Variants in ANKRD31 observed in about 807,000 individuals in gnomAD.
ANKRD31 encodes ankyrin repeat domain 31, also known as ankyrin repeat domain-containing protein 31.
Under a neutral mutation model 186.0 loss-of-function variants are expected in ANKRD31, and 147 were observed. That is an observed-to-expected ratio of 0.79 (90% confidence interval 0.69 to 0.91). The LOEUF is 0.91. Ranked by LOEUF, ANKRD31 falls within the 40% of genes least tolerant of loss-of-function variation. The pLI, the probability that ANKRD31 is intolerant of heterozygous loss-of-function variation, is 0.00. For missense variants in ANKRD31, 1,986 were observed against 2,148.8 expected, an observed-to-expected ratio of 0.92 and a Z score of 1.50; for synonymous variants, 673 against 736.4, an observed-to-expected ratio of 0.91 and a Z score of 1.39.
At chr5:75,210,345 G>T (rs1411061039) in intron 4 of ANKRD31, among the ~76,000 whole-genome samples, 1 of 152,074 alleles carries the variant, frequency 6.6e-6, no homozygotes, top group Non-Finnish European at 1.5e-5. Context: ...GGCTAATTTT[G>T]TATTTTTTAT....
chr5:75,084,451 A>G, intron 23 of ANKRD31, 77 bp from the exon 24 acceptor site: 2 of 1,128,810 alleles, frequency 1.8e-6, no homozygotes, highest in Non-Finnish European at 2.6e-6. Flanking sequence ...TGAACATTGT[A>G]ATTTTTATAA....
intron 2 of ANKRD31, 95 bp downstream of exon 2, chr5:75,230,467 C>T (rs538699378): frequency 1.2e-5 from 11 of 914,540 alleles, no homozygotes; most frequent in African/African-American, 6.9e-5. Flanking sequence ...ATTCATTTTG[C>T]TTAAAGTCTC....
chr5:75,104,551 A>G lies in ANKRD31; in HGVS notation c.5008T>C (p.Tyr1670His). The change falls in exon 22 of 26, where the codon TAT becomes CAT. Residue 1670 changes from tyrosine to histidine, a missense_variant. Transcript: ENST00000506364. ...NIICDQDLSN[Y>H]DPKRGNRKTS... ...TTTCTGTTTCCTCTTTTGGGATCAT[A>G]ATTGGAAAGGTCCTGATCACAAATA... 1 of 1,536,798 alleles carries G rather than the reference A, an allele frequency of 6.5e-7. No homozygotes were observed. The highest frequency in any genetic ancestry group is 8.7e-7 in the Non-Finnish European group (1 of 1,146,712).
At chr5:75,133,118 A>C (rs928515697) in intron 17 of ANKRD31, among the ~76,000 whole-genome samples, 2 of 152,196 alleles carry the variant, frequency 1.3e-5, no homozygotes, top group Admixed American at 1.3e-4. Context: ...CGAGCAAAAT[A>C]ACCAGCTAAC....
At chr5:75,235,581 A>G (rs1373010986) in intron 1 of ANKRD31, among the ~76,000 whole-genome samples, 1 of 152,156 alleles carries the variant, frequency 6.6e-6, no homozygotes, top group Admixed American at 6.5e-5. Flanking sequence ...TGACCCCTGC[A>G]TGCCAGAAGG....
rs1025390758 is a variant in ANKRD31 at position 75,147,511 on chromosome 5, G to GA, written c.1906-7dup. On this transcript the variant is annotated splice_polypyrimidine_tract_variant and splice_region_variant and intron_variant, in intron 13 of 25. Transcript: ENST00000506364. The stretch of plus-strand genomic sequence containing the variant: ...TTAGAACTGAACTTTGGTTTCTATA[G>GA]AAAAAAAATACATAGTTAGCTTTAA... The GA allele has an allele frequency of 9.8e-5, 139 of 1,412,706 alleles. No homozygotes were observed. Among genetic ancestry groups the GA allele is most frequent in the Non-Finnish European group, 1.2e-4 (129 of 1,084,116 alleles). 87.5% of individuals were successfully genotyped at this position (1,412,706 alleles called of 1,614,324 possible). A position where few individuals can be genotyped will look rare whatever the true frequency, so the allele number is the denominator to read the frequency against.
At position 75,104,471 on chromosome 5, in the gene ANKRD31, C is replaced by T; in HGVS notation, c.5088G>A (p.Gly1696=). Reference sequence around the variant, plus strand: ...CTGTATCACTGCCTAAGACAGCAATCCCTTGATGTGCCAGAGATTCTGATG... The same window carrying T: ...CTGTATCACTGCCTAAGACAGCAATTCCTTGATGTGCCAGAGATTCTGATG... ...TGASESLAHQ[G]IAVLGSDTVH... Residue 1696 remains glycine (G), a synonymous_variant, in exon 22 of 26, where the codon GGG becomes GGA. Transcript: ENST00000506364. 3.3e-6 allele frequency: 5 copies of T among 1,537,158 alleles called. No individual in the cohort carries two copies. The highest frequency in any genetic ancestry group is 4.4e-6 in the Non-Finnish European group (5 of 1,146,904).
chr5:75,098,462 G>C (rs1315941836), intron 22 of ANKRD31, among the ~76,000 whole-genome samples: 1 of 150,470 alleles, frequency 6.6e-6, no homozygotes, highest in Non-Finnish European at 1.5e-5. Flanking sequence ...TTCCAATTCT[G>C]TGAAGAAAGT....
chr5:75,094,517 A>G (rs1265020430), intron 22 of ANKRD31, among the ~76,000 whole-genome samples: 1 of 152,190 alleles, frequency 6.6e-6, no homozygotes, highest in Non-Finnish European at 1.5e-5. Context: ...CAGCTACTGC[A>G]AGCACAACTC....
intron 25 of ANKRD31, among the ~76,000 whole-genome samples, chr5:75,077,582 G>GT (rs886676018): frequency 2.6e-5 from 4 of 151,840 alleles, no homozygotes; most frequent in Non-Finnish European, 4.4e-5. Flanking sequence ...AAGTGTTCAG[G>GT]TTTTTTTGTG....
At chr5:75,236,300 A>G (rs1561560594) in intron 1 of ANKRD31, among the ~76,000 whole-genome samples, 1 of 152,190 alleles carries the variant, frequency 6.6e-6, no homozygotes, top group Non-Finnish European at 1.5e-5. Context: ...TTGCTTGTGC[A>G]AAAAGACTTA....
chr5:75,094,291 G>A (rs887406441), intron 22 of ANKRD31, among the ~76,000 whole-genome samples: 5 of 152,064 alleles, frequency 3.3e-5, no homozygotes, highest in Non-Finnish European at 7.4e-5. Flanking sequence ...TCTTCCATCA[G>A]CTTCTTTAAA....
At chr5:75,230,039 A>G (rs1348894746) in intron 2 of ANKRD31, among the ~76,000 whole-genome samples, 1 of 151,962 alleles carries the variant, frequency 6.6e-6, no homozygotes, top group Non-Finnish European at 1.5e-5. Context: ...AATGGTCCCA[A>G]TACAAGTGCG....
At chr5:75,155,185 CCT>C (rs1290052964) in intron 11 of ANKRD31, among the ~76,000 whole-genome samples, 1 of 151,916 alleles carries the variant, frequency 6.6e-6, no homozygotes, top group Non-Finnish European at 1.5e-5. Context: ...CTCCTCTACC[CCT>C]GTTCTATTAT....
chr5:75,221,022 G>T (rs1757269863), intron 3 of ANKRD31, among the ~76,000 whole-genome samples: 1 of 152,168 alleles, frequency 6.6e-6, no homozygotes. Context: ...GTCCTTTGCA[G>T]CAACATGGAT....
chr5:75,223,405 T>A lies in ANKRD31; in HGVS notation c.179-1047A>T, dbSNP rs979025929. On this transcript the variant is annotated intron_variant, in intron 2 of 25. Coordinates refer to ENST00000506364, the MANE Select transcript of ANKRD31 (RefSeq NM_001372053.1). ...AAACACCACTAGAATAATTTAAAAA[T>A]TCCTTTTTAAATTCATTTTAGATTG... Among the ~76,000 whole-genome samples the A allele has an allele frequency of 7.8e-4, 119 of 152,322 alleles. 1 individual carries two copies. Among genetic ancestry groups the A allele is most frequent in the African/African-American group, 2.7e-3 (113 of 41,580 alleles).
At chr5:75,188,046 T>C (rs1754856493) in intron 10 of ANKRD31, among the ~76,000 whole-genome samples, 1 of 152,168 alleles carries the variant, frequency 6.6e-6, no homozygotes, top group Admixed American at 6.5e-5. Context: ...TCCCAACCTC[T>C]GTACTTCATA....
intron 24 of ANKRD31, among the ~76,000 whole-genome samples, chr5:75,083,216 C>T (rs944844094): frequency 1.3e-5 from 2 of 152,022 alleles, no homozygotes; most frequent in Non-Finnish European, 2.9e-5. Flanking sequence ...TGACTTGTCA[C>T]GTGAGGTCAG....
At chr5:75,206,261 AT>A (rs1756218194) in intron 5 of ANKRD31, 149 bp downstream of exon 5, 1 of 1,902 alleles carries the variant, frequency 5.3e-4, no homozygotes, top group Non-Finnish European at 8.7e-4. Flanking sequence ...ATATATATAT[AT>A]ATATATATAT....
Sources: allele counts gnomAD v4.1 joint callset (sites outside exome capture counted in the v4.1 genomes callset), GRCh38; gene constraint gnomAD v4.1.1; transcripts MANE v1.5; gene names NCBI Gene and HGNC (gene_info 2026-07-23, HGNC 2026-07-21).